EPHB2: variants seen among roughly 807,000 people sequenced by gnomAD.
EPHB2 encodes the protein EPH receptor B2, also known as ephrin type-B receptor 2.
Under a neutral mutation model 96.4 loss-of-function variants are expected in EPHB2, and 18 were observed. The ratio of observed to expected loss-of-function variants is 0.19; its 90% CI spans 0.13 to 0.28. EPHB2 has a LOEUF of 0.28. Among genes scored for constraint, EPHB2 ranks in the 10% least tolerant of loss-of-function variants. EPHB2 has a pLI of 1.00. For synonymous variants in EPHB2, 506 were observed against 534.1 expected, an observed-to-expected ratio of 0.95 and a Z score of 0.72; for missense variants, 989 against 1,355.4, an observed-to-expected ratio of 0.73 and a Z score of 4.25.
At chr1:22,850,365 G>A (rs1570383415) in intron 3 of EPHB2, among the ~76,000 whole-genome samples, 1 of 152,320 alleles carries the variant, frequency 6.6e-6, no homozygotes. Context: ...CAGGGGACCC[G>A]CACGTGGGGC....
chr1:22,884,446 C>T (rs1024096453), intron 6 of EPHB2, among the ~76,000 whole-genome samples: 1 of 151,978 alleles, frequency 6.6e-6, no homozygotes, highest in African/African-American at 2.4e-5. Flanking sequence ...ATGGTGAAAC[C>T]CCATCTCTAC....
In EPHB2 at chr1:22,866,586, T is replaced by C. The variant is rs1043467045; in HGVS notation, c.1303+1374T>C. ...GCCAGTAGAATGTTGAAGGGAACAATAGAAAAAAATGGAATTCAGAAGGGA... is the reference window on the plus strand; with the variant it reads ...GCCAGTAGAATGTTGAAGGGAACAACAGAAAAAAATGGAATTCAGAAGGGA... On this transcript the variant is annotated intron_variant, in intron 5 of 15. Transcript: ENST00000374630. Among the ~76,000 whole-genome samples, 4 of 151,222 alleles carry C rather than the reference T, an allele frequency of 2.6e-5. No individual in the cohort carries two copies. In the East Asian group the frequency reaches 5.9e-4, roughly 22 times the overall value.
intron 1 of EPHB2, among the ~76,000 whole-genome samples, chr1:22,742,450 GACTA>G (rs1172489576): frequency 6.6e-6 from 1 of 152,106 alleles, no homozygotes; most frequent in African/African-American, 2.4e-5. Flanking sequence ...GGGGTGAATC[GACTA>G]ACTGACATTC....
chr1:22,837,768 G>T lies in EPHB2; in HGVS notation c.812-25269G>T, dbSNP rs1179467531. 2.6e-5 allele frequency among the ~76,000 whole-genome samples: 4 copies of T among 152,152 alleles called. No homozygotes were observed. In the East Asian group the frequency reaches 7.7e-4, roughly 29 times the overall value. ...CAGACCGGCAGCCTGAGAGGGGCTG[G>T]AATCCCCCAGCCCACCCCCATTCCT... On this transcript the variant is annotated intron_variant, in intron 3 of 15. Coordinates refer to ENST00000374630, the MANE Select transcript of EPHB2 (RefSeq NM_017449.5).
chr1:22,832,901 C>G (rs1004418029), intron 3 of EPHB2, among the ~76,000 whole-genome samples: 10 of 142,566 alleles, frequency 7.0e-5, no homozygotes, highest in African/African-American at 2.4e-4. Context: ...AAGTAACAGT[C>G]ATGCATGCAC....
chr1:22,711,157 C>G (rs1643127061), intron 1 of EPHB2, 114 bp downstream of exon 1: 1 of 145,854 alleles, frequency 6.9e-6, no homozygotes. Flanking sequence ...GGGCCGGCGC[C>G]GGGCGCAGGT....
intron 6 of EPHB2, 121 bp from the exon 7 acceptor site, chr1:22,892,763 T>C: frequency 8.0e-7 from 1 of 1,257,048 alleles, no homozygotes; most frequent in South Asian, 1.2e-5. Context: ...GATGAAGAAT[T>C]GGGAACCATA....
chr1:22,782,815 T>C (rs1644554531), intron 2 of EPHB2, among the ~76,000 whole-genome samples: 1 of 150,310 alleles, frequency 6.7e-6, no homozygotes, highest in East Asian at 2.0e-4. Context: ...AGCTTCAGAG[T>C]CGCCATTGAA....
At chr1:22,745,757 G>A (rs2148372036) in intron 1 of EPHB2, among the ~76,000 whole-genome samples, 1 of 149,906 alleles carries the variant, frequency 6.7e-6, no homozygotes, top group Non-Finnish European at 1.5e-5. Context: ...GCAATGGGGG[G>A]CTTTGTTGAT....
intron 6 of EPHB2, among the ~76,000 whole-genome samples, chr1:22,883,916 C>G (rs1639132796): frequency 6.6e-6 from 1 of 152,162 alleles, no homozygotes; most frequent in Non-Finnish European, 1.5e-5. Context: ...GTGAATGAAT[C>G]CTTTCCCTTG....
At chr1:22,785,680 T>A (rs1485053107) in intron 3 of EPHB2, among the ~76,000 whole-genome samples, 1 of 152,192 alleles carries the variant, frequency 6.6e-6, no homozygotes, top group Admixed American at 6.5e-5. Flanking sequence ...GCTTTAAAGC[T>A]TCCACCTGGA....
intron 3 of EPHB2, among the ~76,000 whole-genome samples, chr1:22,845,428 G>A (rs1375319024): frequency 6.6e-6 from 1 of 152,174 alleles, no homozygotes; most frequent in Non-Finnish European, 1.5e-5. Flanking sequence ...GAGAAAATAA[G>A]CTAGGAAGTT....
At chr1:22,823,866 C>T (rs1435821368) in intron 3 of EPHB2, among the ~76,000 whole-genome samples, 2 of 152,266 alleles carry the variant, frequency 1.3e-5, no homozygotes, top group Admixed American at 6.5e-5. Flanking sequence ...GAAAGATGAG[C>T]GATTGGTAGG....
chr1:22,878,047 C>T (rs1238491028), intron 5 of EPHB2, among the ~76,000 whole-genome samples: 1 of 152,204 alleles, frequency 6.6e-6, no homozygotes, highest in Non-Finnish European at 1.5e-5. Context: ...GGTGAAACTC[C>T]AGAGAGAGGT....
At chr1:22,794,319 G>A (rs986527917) in intron 3 of EPHB2, among the ~76,000 whole-genome samples, 3 of 152,106 alleles carry the variant, frequency 2.0e-5, no homozygotes, top group African/African-American at 7.2e-5. Flanking sequence ...CCTATCAAGC[G>A]ATGCAAGGCA....
intron 3 of EPHB2, among the ~76,000 whole-genome samples, chr1:22,805,688 G>A (rs1324606042): frequency 6.6e-6 from 1 of 152,198 alleles, no homozygotes; most frequent in East Asian, 1.9e-4. Flanking sequence ...GGTGGGAATG[G>A]GGGTGAGGGT....
At chr1:22,761,624 T>A (rs1557658903) in intron 1 of EPHB2, among the ~76,000 whole-genome samples, 1 of 152,016 alleles carries the variant, frequency 6.6e-6, no homozygotes, top group Admixed American at 6.5e-5. Context: ...TAGCTGGGAG[T>A]GTTGAGTAAG....
At chr1:22,843,458 G>T (rs1570372233) in intron 3 of EPHB2, among the ~76,000 whole-genome samples, 1 of 152,280 alleles carries the variant, frequency 6.6e-6, no homozygotes, top group East Asian at 1.9e-4. Context: ...GATAAGCATA[G>T]TACCCAATAG....
In EPHB2 at chr1:22,849,438, C is replaced by T. The variant is rs138784295; in HGVS notation, c.812-13599C>T. On this transcript the variant is annotated intron_variant, in intron 3 of 15. Transcript: ENST00000374630. ...CCTGAGGTCAGGGCCTGTGTCTCCT[C>T]AGTCCTCACTGGTCCCCAGCCCCAG... is the stretch of plus-strand genomic sequence containing the variant. 9.1e-3 allele frequency among the ~76,000 whole-genome samples: 1,391 copies of T among 152,318 alleles called. 17 individuals are homozygous for T. Among genetic ancestry groups the T allele is most frequent in the African/African-American group, 0.031 (1,286 of 41,566 alleles).
Sources: gnomAD v4.1 joint callset for allele counts (sites outside exome capture counted in the v4.1 genomes callset) on GRCh38, gnomAD v4.1.1 for gene constraint, MANE v1.5 for transcripts, NCBI Gene and HGNC (gene_info 2026-07-23, HGNC 2026-07-21) for gene names.